Variants in CSN3 observed in about 807,000 individuals in gnomAD.
CSN3 encodes the protein kappa-casein.
In CSN3, 7 loss-of-function variants were observed where a neutral mutation model predicts 9.9. The ratio of observed to expected loss-of-function variants is 0.71; its 90% confidence interval spans 0.40 to 1.33. CSN3 has a LOEUF of 1.33. CSN3 is among the 40% of genes most tolerant of loss of function. CSN3 has a pLI of 0.01. For missense variants in CSN3, 253 were observed against 227.9 expected, an observed-to-expected ratio of 1.11 and a Z score of -0.71; for synonymous variants, 88 against 82.3, an observed-to-expected ratio of 1.07 and a Z score of -0.37.
chr4:70,251,020 A>G (rs969761734), intron 4 of CSN3, among the ~76,000 whole-genome samples: 3 of 152,148 alleles, frequency 2.0e-5, no homozygotes, highest in African/African-American at 7.2e-5. Context: ...AAGTAGTTAC[A>G]TATTTTACTG....
upstream of CSN3, among the ~76,000 whole-genome samples, chr4:70,238,825 G>A (rs1730219951): frequency 6.6e-6 from 1 of 151,800 alleles, no homozygotes; most frequent in Non-Finnish European, 1.5e-5. Context: ...GGAGTCACCA[G>A]ATGGCCCCTG....
chr4:70,247,978 T>C (rs1730413166), intron 3 of CSN3, 128 bp downstream of exon 3: 1 of 584,298 alleles, frequency 1.7e-6, no homozygotes, highest in Admixed American at 3.9e-5. Context: ...AATCTAATAA[T>C]ATTTGCAAGA....
chr4:70,245,589 T>A (rs1730361842), intron 2 of CSN3, among the ~76,000 whole-genome samples: 2 of 152,156 alleles, frequency 1.3e-5, no homozygotes, highest in Admixed American at 1.3e-4. Flanking sequence ...TCTTTTTATT[T>A]TCTTGTTCAT....
chr4:70,246,127 C>G (rs941770453), intron 2 of CSN3, among the ~76,000 whole-genome samples: 4 of 151,912 alleles, frequency 2.6e-5, no homozygotes, highest in Non-Finnish European at 4.4e-5. Flanking sequence ...CAAATTTATA[C>G]AAATTAAAAC....
intron 1 of CSN3, among the ~76,000 whole-genome samples, chr4:70,243,630 G>A (rs1257793718): frequency 1.3e-5 from 2 of 152,018 alleles, no homozygotes; most frequent in African/African-American, 4.8e-5. Context: ...AAGTTTATAT[G>A]AGTGTGTCAA....
exon 4 of CSN3, chr4:70,249,358 C>CCAA: frequency 1.9e-6 from 3 of 1,614,098 alleles, no homozygotes; most frequent in Non-Finnish European, 2.5e-6. Context: ...TGCCACTGAA[C>CCAA]CAACGGTGGA....
At chr4:70,244,706 T>C in intron 1 of CSN3, 106 bp from the exon 2 acceptor site, 1 of 508,680 alleles carries the variant, frequency 2.0e-6, no homozygotes, top group Non-Finnish European at 3.1e-6. Flanking sequence ...AATCTACCTG[T>C]AAATCTGGCT....
intron 3 of CSN3, 68 bp downstream of exon 3, chr4:70,247,918 T>C: frequency 2.7e-6 from 3 of 1,114,780 alleles, no homozygotes; most frequent in Admixed American, 2.4e-5. Flanking sequence ...AGGTCAATTG[T>C]ATTATAGATG....
intron 3 of CSN3, 122 bp downstream of exon 3, chr4:70,247,972 T>C: frequency 3.3e-6 from 2 of 601,912 alleles, no homozygotes; most frequent in South Asian, 8.1e-5. Flanking sequence ...TAAAACAATC[T>C]AATAATATTT....
chr4:70,248,919 T>C, intron 3 of CSN3, 79 bp from the exon 4 acceptor site: 1 of 1,029,926 alleles, frequency 9.7e-7, no homozygotes, highest in East Asian at 2.6e-5. Context: ...ACTATATTAT[T>C]TCAAAAAATG....
intron 1 of CSN3, 131 bp downstream of exon 1, chr4:70,242,796 C>T (rs571458026): frequency 1.3e-5 from 2 of 152,210 alleles, no homozygotes; most frequent in African/African-American, 4.8e-5. Flanking sequence ...CCTAGCATCA[C>T]TTTAAAATTA....
At chr4:70,250,318 T>A (rs560355123) in intron 4 of CSN3, among the ~76,000 whole-genome samples, 8 of 152,288 alleles carry the variant, frequency 5.3e-5, no homozygotes, top group African/African-American at 1.9e-4. Context: ...CCATCAGATG[T>A]CTACATGTTT....
chr4:70,245,740 C>T (rs939603251), intron 2 of CSN3, among the ~76,000 whole-genome samples: 3 of 151,998 alleles, frequency 2.0e-5, no homozygotes, highest in Non-Finnish European at 1.5e-5. Flanking sequence ...TTTAGAGTTG[C>T]TTTTAAGTTA....
rs145379679 is a variant in CSN3 at position 70,250,403 on chromosome 4, A to C, written c.*35-859A>C. Among the ~76,000 whole-genome samples the C allele has an allele frequency of 7.2e-5, 11 of 152,218 alleles. No homozygotes were observed. In the East Asian group the frequency reaches 2.1e-3, roughly 29 times the overall value. On this transcript the variant is annotated intron_variant, in intron 4 of 4. Coordinates refer to ENST00000304954, the Ensembl canonical transcript of CSN3. ...TAGCCCAGAAAAGGTTGCTTCTTTC[A>C]TCTGCTTGCCTAATGACCATAGGCT...
At chr4:70,249,152 A>T in exon 4 of CSN3, 1 of 1,614,090 alleles carries the variant, frequency 6.2e-7, no homozygotes, top group Non-Finnish European at 8.5e-7. Context: ...CGCACATATT[A>T]TGCAAACCCA....
chr4:70,243,090 AT>A (rs1730305090), intron 1 of CSN3: 2 of 453,208 alleles, frequency 4.4e-6, no homozygotes, highest in African/African-American at 4.3e-5. Context: ...TTTTTAAAAC[AT>A]GTTTTTCAAA....
intron 1 of CSN3, chr4:70,243,329 C>T (rs1187957819): frequency 5.5e-6 from 1 of 183,280 alleles, no homozygotes; most frequent in Non-Finnish European, 1.0e-5. Flanking sequence ...AAAACATTTT[C>T]AGTCTATAAT....
At chr4:70,240,278 C>T (rs192725502), upstream of CSN3, among the ~76,000 whole-genome samples, 1 of 151,942 alleles carries the variant, frequency 6.6e-6, no homozygotes, top group East Asian at 1.9e-4. Context: ...AACTTATGTA[C>T]CCACAATAGC....
At chr4:70,241,930 G>A (rs1275866216), upstream of CSN3, among the ~76,000 whole-genome samples, 2 of 151,868 alleles carry the variant, frequency 1.3e-5, no homozygotes, top group Non-Finnish European at 2.9e-5. Flanking sequence ...TTTATAAGGA[G>A]GTGCTCTTGG....
Sources: gnomAD v4.1 joint callset for allele counts (sites outside exome capture counted in the v4.1 genomes callset) on GRCh38, gnomAD v4.1.1 for gene constraint, MANE v1.5 for transcripts, NCBI Gene and HGNC (gene_info 2026-07-23, HGNC 2026-07-21) for gene names.